The following LRRK2 variants were observed in gnomAD, a reference collection of about 807,000 sequenced individuals.
LRRK2 encodes the protein leucine-rich repeat serine/threonine-protein kinase 2.
In LRRK2, 203 loss-of-function variants were observed where a neutral mutation model predicts 302.6. The observed-to-expected ratio is 0.67, with a 90% CI of 0.60 to 0.75. The LOEUF is 0.75. Ranked by LOEUF, LRRK2 falls within the 30% of genes least tolerant of loss-of-function variation. The pLI, the probability that LRRK2 is intolerant of heterozygous loss-of-function variation, is 0.00. For synonymous variants in LRRK2, 1,066 were observed against 1,031.9 expected, an observed-to-expected ratio of 1.03 and a Z score of -0.63; for missense variants, 2,830 against 2,951.0, an observed-to-expected ratio of 0.96 and a Z score of 0.95.
chr12:40,277,576 C>T (rs1307086507), intron 16 of LRRK2, among the ~76,000 whole-genome samples: 5 of 152,202 alleles, frequency 3.3e-5, no homozygotes, highest in Admixed American at 6.5e-5. Context: ...ATCTGGGTTT[C>T]ATCCTATAAC....
chr12:40,250,112 C>A (rs1328403527), intron 8 of LRRK2, among the ~76,000 whole-genome samples, 167 bp downstream of exon 8: 1 of 152,186 alleles, frequency 6.6e-6, no homozygotes, highest in African/African-American at 2.4e-5. Context: ...ACAGTTGTGA[C>A]AAATATACAC....
Position 40,354,567 on chromosome 12 carries a change from G to A in LRRK2, c.6770+75G>A, listed in dbSNP as rs1592332030. On this transcript the variant is annotated intron_variant, in intron 45 of 50. Transcript: ENST00000298910. ...CTGAATTGTGTGCATAATTGTTATT[G>A]CATCAGCAAAGATTGTTCATTTTTA... The A allele has an allele frequency of 2.3e-6, 3 of 1,304,122 alleles. No individual in the cohort carries two copies. In the East Asian group the frequency reaches 7.0e-5, roughly 30 times the overall value. The allele number at this position is 1,304,122 out of a possible 1,614,324, so 80.8% of individuals were successfully genotyped here. A position where few individuals can be genotyped will look rare whatever the true frequency, so the allele number is the denominator to read the frequency against.
chr12:40,301,656 T>C (rs752608600), intron 25 of LRRK2, among the ~76,000 whole-genome samples: 2 of 152,160 alleles, frequency 1.3e-5, no homozygotes, highest in Non-Finnish European at 2.9e-5. Flanking sequence ...ATTGTCTAGA[T>C]AAAGAATAAC....
intron 49 of LRRK2, 184 bp from the exon 50 acceptor site, chr12:40,366,822 T>C: frequency 3.8e-6 from 2 of 523,800 alleles, no homozygotes; most frequent in Admixed American, 3.3e-5. Flanking sequence ...GGATCACAGA[T>C]TTTGTTATTT....
Position 40,348,480 on chromosome 12 carries a change from A to T in LRRK2, c.6352A>T (p.Asn2118Tyr). Residue 2118 changes from asparagine to tyrosine, a missense_variant, in exon 43 of 51, where the codon AAT becomes TAT. Asn to Tyr is a moderately radical substitution (Grantham distance 143, BLOSUM62 -2). Coordinates refer to ENST00000298910, the MANE Select transcript of LRRK2 (RefSeq NM_198578.4). The stretch of plus-strand genomic sequence containing the variant: ...ATTAATTAAACAGTGTTTGAAAGAA[A>T]ATCCTCAAGAAAGGCCTACTTCTGC... ...EKLIKQCLKE[N>Y]PQERPTSAQV... 1 of 1,612,648 alleles carries T rather than the reference A, an allele frequency of 6.2e-7. No individual in the cohort carries two copies. The highest frequency in any genetic ancestry group is 8.5e-7 in the Non-Finnish European group (1 of 1,178,888).
rs529078812 is a variant in LRRK2 at position 40,225,060 on chromosome 12, G to A, written c.-72G>A. 4.4e-6 allele frequency: 7 copies of A among 1,594,240 alleles called. No homozygotes were observed. The highest frequency in any genetic ancestry group is 6.0e-6 in the Non-Finnish European group (7 of 1,168,228). ...AGCTCGCCCCCGGGGAGCTGTGGCCGGCGCCCCTGCCGGTTCCCTGAGCAG... is the reference window on the plus strand; with the variant it reads ...AGCTCGCCCCCGGGGAGCTGTGGCCAGCGCCCCTGCCGGTTCCCTGAGCAG... On this transcript the variant is annotated 5_prime_UTR_variant, in exon 1 of 51. Transcript: ENST00000298910.
At chr12:40,301,105 AC>A (rs1944609122) in intron 25 of LRRK2, 1 of 456,592 alleles carries the variant, frequency 2.2e-6, no homozygotes, top group Non-Finnish European at 4.4e-6. Flanking sequence ...GTTTGAATGG[AC>A]CCCAGTTCAA....
chr12:40,237,919 A>C, intron 4 of LRRK2, 50 bp from the exon 5 acceptor site: 1 of 1,574,064 alleles, frequency 6.4e-7, no homozygotes, highest in Non-Finnish European at 8.7e-7. Context: ...TTAACACATT[A>C]AATGTTAAAG....
intron 1 of LRRK2, 117 bp from the exon 2 acceptor site, chr12:40,225,438 T>G: frequency 1.6e-6 from 2 of 1,268,446 alleles, no homozygotes; most frequent in Non-Finnish European, 2.3e-6. Flanking sequence ...AGAAAGCAGC[T>G]GAGAATTTCA....
intron 14 of LRRK2, among the ~76,000 whole-genome samples, chr12:40,265,799 A>C (rs1288569441): frequency 6.6e-6 from 1 of 152,092 alleles, no homozygotes; most frequent in Admixed American, 6.6e-5. Flanking sequence ...GGTACCAAAA[A>C]AGAGATATAG....
At chr12:40,304,205 A>G (rs1046766236) in intron 27 of LRRK2, 71 bp downstream of exon 27, 9 of 1,461,048 alleles carry the variant, frequency 6.2e-6, no homozygotes, top group African/African-American at 1.4e-5. Flanking sequence ...ATTTTAAGTG[A>G]TATTTAGCTT....
rs1410682494 is a variant in LRRK2, at chr12:40,345,486, G to A, written c.6110-1267G>A. ...AAAAATACAAAAATCAGCTGGGCAC[G>A]GTGGTGGGCACCTGTAATCCCAGCT... is the stretch of plus-strand genomic sequence containing the variant. On this transcript the variant is annotated intron_variant, in intron 41 of 50. Transcript: ENST00000298910. 4.0e-5 allele frequency among the ~76,000 whole-genome samples: 6 copies of A among 151,708 alleles called. No individual in the cohort carries two copies. In the East Asian group the frequency reaches 5.8e-4, roughly 15 times the overall value.
intron 18 of LRRK2, among the ~76,000 whole-genome samples, chr12:40,283,655 C>G (rs1943798648): frequency 6.6e-6 from 1 of 152,150 alleles, no homozygotes; most frequent in African/African-American, 2.4e-5. Context: ...TTCATAATAA[C>G]TGACTGTCAT....
chr12:40,318,548 T>C (rs1301637649), intron 33 of LRRK2, among the ~76,000 whole-genome samples: 1 of 152,054 alleles, frequency 6.6e-6, no homozygotes, highest in Non-Finnish European at 1.5e-5. Context: ...GGTTGAATAA[T>C]TTATCCAACG....
chr12:40,319,002 C>T (rs1010265914), intron 33 of LRRK2, among the ~76,000 whole-genome samples: 3 of 152,052 alleles, frequency 2.0e-5, no homozygotes, highest in African/African-American at 7.2e-5. Flanking sequence ...AGTCCTTGGG[C>T]CTAAGGACTT....
intron 47 of LRRK2, among the ~76,000 whole-genome samples, chr12:40,360,043 T>G (rs541107241): frequency 2.6e-5 from 4 of 152,170 alleles, no homozygotes; most frequent in Admixed American, 6.5e-5. Context: ...TTTATCACAT[T>G]CCTCAGTGAT....
chr12:40,359,805 T>C (rs1460267567), intron 47 of LRRK2, among the ~76,000 whole-genome samples: 1 of 152,140 alleles, frequency 6.6e-6, no homozygotes, highest in African/African-American at 2.4e-5. Flanking sequence ...ACTATACATA[T>C]GCAATTTGGG....
Position 40,346,762 on chromosome 12 carries a change from C to T in LRRK2, c.6119C>T (p.Ala2040Val). 1 of 1,613,818 alleles carries T rather than the reference C, an allele frequency of 6.2e-7. No homozygotes were observed. The highest frequency in any genetic ancestry group is 8.5e-7 in the Non-Finnish European group (1 of 1,179,840). The change falls in exon 42 of 51, where the codon GCA becomes GTA. Residue 2040 changes from alanine to valine, a missense_variant. Physicochemically the swap from Ala to Val is moderately conservative, Grantham distance 64 (BLOSUM62 0). This residue lies in a region of LRRK2 where 253 missense variants were observed against 346.7 expected (regional missense o/e 0.73). Coordinates refer to ENST00000298910, the MANE Select transcript of LRRK2 (RefSeq NM_198578.4). ...ATCTGCTTACTTTCAGGGTTTCGTGCACCTGAAGTTGCCAGAGGAAATGTC... is the reference window on the plus strand; with the variant it reads ...ATCTGCTTACTTTCAGGGTTTCGTGTACCTGAAGTTGCCAGAGGAAATGTC... Reference protein sequence around the residue: ...KTSEGTPGFRAPEVARGNVIY... With the variant: ...KTSEGTPGFRVPEVARGNVIY...
rs959367555 is a variant in LRRK2, at chr12:40,230,697, G to A, written c.238-1577G>A. On this transcript the variant is annotated intron_variant, in intron 2 of 50. Transcript: ENST00000298910. ...TTTTTTTTTTTTTTGACCATGTCAA[G>A]TATAGTTCTATAGTATAATAGAATG... is the stretch of plus-strand genomic sequence containing the variant. 1.3e-4 allele frequency among the ~76,000 whole-genome samples: 18 copies of A among 142,030 alleles called. No individual in the cohort carries two copies. In the East Asian group the frequency reaches 2.1e-3, roughly 16 times the overall value. The allele number at this position is 142,030 out of a possible 152,430, so 93.2% of individuals were successfully genotyped here.
Sources: gnomAD v4.1 joint callset for allele counts (sites outside exome capture counted in the v4.1 genomes callset) on GRCh38, gnomAD v4.1.1 for gene constraint, gnomAD v4.1.1 regional missense constraint, MANE v1.5 for transcripts, NCBI Gene and HGNC (gene_info 2026-07-23, HGNC 2026-07-21) for gene names.